Variants in CADM2 observed in about 807,000 individuals in gnomAD.
CADM2 encodes the protein immunoglobulin superfamily member 4D.
A neutral mutation model predicts 49.8 loss-of-function variants in CADM2; 12 were observed. The observed-to-expected ratio is 0.24, with a 90% CI of 0.15 to 0.39. CADM2 has a LOEUF of 0.39. Ranked by LOEUF, CADM2 falls within the 10% of genes least tolerant of loss-of-function variation. CADM2 has a pLI of 1.00. For missense variants in CADM2, 378 were observed against 492.3 expected (o/e 0.77, Z 2.20); for synonymous variants, 214 against 175.4 (o/e 1.22, Z -1.74).
chr3:85,168,280 C>T (rs1232267663), intron 1 of CADM2, among the ~76,000 whole-genome samples: 1 of 152,100 alleles, frequency 6.6e-6, no homozygotes, highest in Non-Finnish European at 1.5e-5. Context: ...CTCTCAAACT[C>T]CTGACTTCAA....
chr3:85,321,033 A>C (rs992360167), intron 1 of CADM2, among the ~76,000 whole-genome samples: 2 of 146,228 alleles, frequency 1.4e-5, no homozygotes, highest in African/African-American at 5.0e-5. Context: ...AAGTGAAAGA[A>C]TAATTAGATT....
chr3:85,733,908 T>G (rs553823580), intron 2 of CADM2, among the ~76,000 whole-genome samples: 7 of 152,090 alleles, frequency 4.6e-5, no homozygotes, highest in Non-Finnish European at 8.8e-5. Flanking sequence ...GTGTGGGGGT[T>G]TAGAAAGTCT....
chr3:85,222,795 A>G (rs2042071897), intron 1 of CADM2, among the ~76,000 whole-genome samples: 1 of 152,160 alleles, frequency 6.6e-6, no homozygotes, highest in African/African-American at 2.4e-5. Context: ...GCCAAACTGG[A>G]TAACTCATTA....
chr3:85,877,760 C>T (rs1399526981), intron 3 of CADM2, among the ~76,000 whole-genome samples: 2 of 137,330 alleles, frequency 1.5e-5, no homozygotes, highest in African/African-American at 2.8e-5. Flanking sequence ...TTGAAGAGGA[C>T]TTCCTAGTTC....
At chr3:85,857,010 C>A (rs927338242) in intron 3 of CADM2, among the ~76,000 whole-genome samples, 2 of 152,114 alleles carry the variant, frequency 1.3e-5, no homozygotes, top group East Asian at 1.9e-4. Flanking sequence ...TTATTTATTT[C>A]TTTTGAAGTT....
At chr3:85,697,863 C>T (rs1022355854) in intron 1 of CADM2, among the ~76,000 whole-genome samples, 16 of 152,214 alleles carry the variant, frequency 1.1e-4, no homozygotes, top group East Asian at 9.6e-4. Context: ...AACAGGGATA[C>T]GGTGATTTAT....
intron 5 of CADM2, among the ~76,000 whole-genome samples, chr3:85,903,065 T>C (rs574536167): frequency 1.3e-5 from 2 of 152,130 alleles, no homozygotes; most frequent in East Asian, 1.9e-4. Context: ...CCTAGAATCA[T>C]TTCCTTATTC....
intron 1 of CADM2, among the ~76,000 whole-genome samples, chr3:85,587,935 T>C (rs2107326218): frequency 6.6e-6 from 1 of 152,060 alleles, no homozygotes; most frequent in Admixed American, 6.6e-5. Context: ...TTTGTTTTGT[T>C]TTTGTATTTT....
At chr3:85,833,858 G>T (rs1188893763) in intron 3 of CADM2, among the ~76,000 whole-genome samples, 2 of 151,354 alleles carry the variant, frequency 1.3e-5, no homozygotes, top group Admixed American at 6.6e-5. Flanking sequence ...GTCTTTTGTT[G>T]TTTCATATGA....
intron 8 of CADM2, among the ~76,000 whole-genome samples, chr3:85,975,856 A>T (rs2108654253): frequency 6.6e-6 from 1 of 151,636 alleles, no homozygotes. Context: ...CAATATTCAT[A>T]AATTATGCAT....
chr3:85,780,862 T>G (rs148800786), intron 2 of CADM2, among the ~76,000 whole-genome samples: 13 of 152,280 alleles, frequency 8.5e-5, no homozygotes, highest in Non-Finnish European at 1.8e-4. Flanking sequence ...ACTTTGGGCT[T>G]AACCTTGTGA....
intron 1 of CADM2, among the ~76,000 whole-genome samples, chr3:85,337,889 C>T (rs923814671): frequency 2.0e-5 from 3 of 151,582 alleles, no homozygotes; most frequent in Admixed American, 6.6e-5. Flanking sequence ...CATATACTCT[C>T]ATATATTTTA....
chr3:85,020,648 T>G (rs756792428), intron 1 of CADM2, among the ~76,000 whole-genome samples: 5 of 152,178 alleles, frequency 3.3e-5, no homozygotes, highest in Non-Finnish European at 7.3e-5. Flanking sequence ...AAAAATACCA[T>G]TTTTCAAATG....
At chr3:85,512,376 C>T (rs1398272596) in intron 1 of CADM2, among the ~76,000 whole-genome samples, 7 of 152,048 alleles carry the variant, frequency 4.6e-5, no homozygotes, top group African/African-American at 1.4e-4. Context: ...AATAGTATTC[C>T]GTGGTGTATG....
chr3:85,174,429 C>G (rs919085889), intron 1 of CADM2, among the ~76,000 whole-genome samples: 8 of 151,624 alleles, frequency 5.3e-5, no homozygotes, highest in African/African-American at 1.9e-4. Context: ...TTTCCTACCG[C>G]ATTAATGTGA....
intron 2 of CADM2, among the ~76,000 whole-genome samples, chr3:85,752,727 T>C (rs910206577): frequency 6.6e-6 from 1 of 151,976 alleles, no homozygotes; most frequent in Non-Finnish European, 1.5e-5. Context: ...GCCCCACTCG[T>C]GGAAAGAAAA....
At chr3:85,037,674 A>G (rs1425021879) in intron 1 of CADM2, among the ~76,000 whole-genome samples, 3 of 152,020 alleles carry the variant, frequency 2.0e-5, no homozygotes, top group Admixed American at 1.3e-4. Context: ...GCTTTTCTTT[A>G]TGTTTGTCCC....
intron 8 of CADM2, among the ~76,000 whole-genome samples, chr3:85,976,783 T>C (rs1449794143): frequency 2.0e-5 from 3 of 151,478 alleles, no homozygotes; most frequent in Non-Finnish European, 4.4e-5. Context: ...TAAGGGAGAA[T>C]GCTGAACAGA....
chr3:85,145,410 C>CT (rs903734769), intron 1 of CADM2, among the ~76,000 whole-genome samples: 1 of 152,130 alleles, frequency 6.6e-6, no homozygotes, highest in African/African-American at 2.4e-5. Context: ...ATAAGGATGA[C>CT]TTTTTTTCCC....
Sources: gnomAD v4.1 joint callset for allele counts (sites outside exome capture counted in the v4.1 genomes callset) on GRCh38, gnomAD v4.1.1 for gene constraint, MANE v1.5 for transcripts, NCBI Gene and HGNC (gene_info 2026-07-23, HGNC 2026-07-21) for gene names.